ZBTB20: variants seen among roughly 807,000 people sequenced by gnomAD.
ZBTB20 encodes the protein zinc finger and BTB domain containing 20, also known as zinc finger and BTB domain-containing protein 20.
In ZBTB20, 9 loss-of-function variants were observed where a neutral mutation model predicts 56.9. The observed-to-expected ratio is 0.16, with a 90% CI of 0.10 to 0.28. The LOEUF (loss-of-function observed/expected upper bound fraction) is 0.28. ZBTB20 is among the 10% of genes least tolerant of loss of function. ZBTB20 has a pLI of 1.00. For missense variants in ZBTB20, 655 were observed against 1,003.0 expected, an observed-to-expected ratio of 0.65 and a Z score of 4.69; for synonymous variants, 417 against 420.7, an observed-to-expected ratio of 0.99 and a Z score of 0.11.
chr3:115,116,373 G>T (rs2084018560), intron 1 of ZBTB20, among the ~76,000 whole-genome samples: 1 of 151,936 alleles, frequency 6.6e-6, no homozygotes, highest in South Asian at 2.1e-4. Flanking sequence ...GCATCATCTT[G>T]CATATTTCTT....
At position 115,012,006 on chromosome 3, in the gene ZBTB20, C is replaced by T. The variant is rs189488553; in HGVS notation, c.-506-37590G>A. On this transcript the variant is annotated intron_variant, in intron 2 of 11. Transcript: ENST00000675478. ...AGTTGTTGTCACCTTAAAATAATTG[C>T]TTATAAGATAGTAGATGCAAGCTTT... 7.3e-5 allele frequency among the ~76,000 whole-genome samples: 11 copies of T among 151,612 alleles called. No homozygotes were observed. The East Asian group carries it at 2.2e-3, about 30-fold the overall frequency.
In ZBTB20 at chr3:114,332,902, C is replaced by G. The variant is rs1207730556; in HGVS notation, c.*6103G>C. On this transcript the variant is annotated 3_prime_UTR_variant, in exon 12 of 12. Transcript: ENST00000675478. ...CTTGTTTCAACCCAGGGCATTTTTACCCATCATGCAGTGAGGAGAAAATAC... is the reference window on the plus strand; with the variant it reads ...CTTGTTTCAACCCAGGGCATTTTTAGCCATCATGCAGTGAGGAGAAAATAC... The G allele has an allele frequency of 6.6e-6, 1 of 152,098 alleles. No individual in the cohort carries two copies. Among genetic ancestry groups the G allele is most frequent in the Admixed American group, 6.5e-5 (1 of 15,284 alleles). The allele number at this position is 152,098 out of a possible 1,614,324, so 9.4% of individuals were successfully genotyped here.
At chr3:114,657,426 T>A (rs1553778069) in intron 6 of ZBTB20, among the ~76,000 whole-genome samples, 1 of 152,226 alleles carries the variant, frequency 6.6e-6, no homozygotes, top group Non-Finnish European at 1.5e-5. Flanking sequence ...ATGTATCTGT[T>A]CAGCTCTTTT....
chr3:114,633,708 G>A (rs897926770), intron 6 of ZBTB20, among the ~76,000 whole-genome samples: 2 of 152,114 alleles, frequency 1.3e-5, no homozygotes, highest in African/African-American at 4.8e-5. Flanking sequence ...CTACTTTAGG[G>A]ATGGATAAGA....
At chr3:114,584,130 T>C (rs1022995348) in intron 6 of ZBTB20, among the ~76,000 whole-genome samples, 2 of 152,126 alleles carry the variant, frequency 1.3e-5, no homozygotes, top group Non-Finnish European at 2.9e-5. Flanking sequence ...TTCCTTACAA[T>C]AAATAGACAA....
intron 5 of ZBTB20, among the ~76,000 whole-genome samples, chr3:114,698,565 T>TCC (rs970526379): frequency 1.3e-5 from 2 of 152,076 alleles, no homozygotes; most frequent in African/African-American, 4.8e-5. Context: ...CTGAGTGCCC[T>TCC]CCTATGGCTG....
intron 4 of ZBTB20, among the ~76,000 whole-genome samples, chr3:114,868,169 C>T (rs1308823914): frequency 1.3e-5 from 2 of 152,150 alleles, no homozygotes; most frequent in Non-Finnish European, 2.9e-5. Context: ...AGCAATTTGT[C>T]CAATTCCAAT....
chr3:114,796,340 T>C (rs917635178), intron 5 of ZBTB20, among the ~76,000 whole-genome samples: 1 of 151,950 alleles, frequency 6.6e-6, no homozygotes, highest in East Asian at 1.9e-4. Flanking sequence ...TCGGCCTGAG[T>C]TTATAGTACA....
chr3:115,084,361 C>A (rs1258936287), intron 1 of ZBTB20, among the ~76,000 whole-genome samples: 2 of 149,746 alleles, frequency 1.3e-5, no homozygotes, highest in African/African-American at 4.9e-5. Context: ...GGTTGCCTGT[C>A]TCATAACACA....
chr3:114,824,906 C>A (rs1178658493), intron 4 of ZBTB20, among the ~76,000 whole-genome samples: 1 of 151,854 alleles, frequency 6.6e-6, no homozygotes, highest in Non-Finnish European at 1.5e-5. Context: ...AGCTTTATTG[C>A]TAGTAAGAGA....
chr3:114,644,649 G>T (rs1282233227), intron 6 of ZBTB20, among the ~76,000 whole-genome samples: 1 of 152,104 alleles, frequency 6.6e-6, no homozygotes, highest in Non-Finnish European at 1.5e-5. Context: ...CACATTGTTG[G>T]TGGGAATGTA....
intron 7 of ZBTB20, among the ~76,000 whole-genome samples, chr3:114,456,427 T>C (rs967211036): frequency 2.6e-5 from 4 of 152,194 alleles, no homozygotes; most frequent in Admixed American, 6.5e-5. Context: ...CATCATCTGC[T>C]ATATATCACC....
intron 8 of ZBTB20, chr3:114,383,658 G>A (rs2084674857): frequency 6.6e-6 from 1 of 152,138 alleles, no homozygotes; most frequent in African/African-American, 2.4e-5. Context: ...AGATAATAGA[G>A]AACTGCTCAC....
chr3:114,837,994 A>G lies in ZBTB20; in HGVS notation c.-416-36820T>C, dbSNP rs997759128. On this transcript the variant is annotated intron_variant, in intron 4 of 11. Coordinates refer to ENST00000675478, the MANE Select transcript of ZBTB20 (RefSeq NM_001348800.3). ...AAAGTAGTGAATAAAATCTCACTCAAGTAGTGACATTCAAACCAAAAGAGA... is the reference window on the plus strand; with the variant it reads ...AAAGTAGTGAATAAAATCTCACTCAGGTAGTGACATTCAAACCAAAAGAGA... Among the ~76,000 whole-genome samples the G allele has an allele frequency of 2.0e-5, 3 of 152,230 alleles. No individual in the cohort carries two copies. In the South Asian group the frequency reaches 6.2e-4, roughly 32 times the overall value.
At chr3:114,408,581 A>C (rs2087573029) in intron 7 of ZBTB20, among the ~76,000 whole-genome samples, 1 of 152,032 alleles carries the variant, frequency 6.6e-6, no homozygotes, top group Non-Finnish European at 1.5e-5. Flanking sequence ...ATTCCATAGA[A>C]GACTAACGAT....
chr3:115,045,372 T>C (rs2081295221), intron 2 of ZBTB20, among the ~76,000 whole-genome samples: 1 of 152,116 alleles, frequency 6.6e-6, no homozygotes, highest in Non-Finnish European at 1.5e-5. Flanking sequence ...AATTTTCCCG[T>C]AGTGGCCGAA....
At chr3:114,566,811 T>C (rs2052813493) in intron 6 of ZBTB20, among the ~76,000 whole-genome samples, 1 of 152,238 alleles carries the variant, frequency 6.6e-6, no homozygotes, top group African/African-American at 2.4e-5. Context: ...TCCCCTTCAC[T>C]GCATTGCCAA....
At chr3:114,623,729 G>A (rs2058477506) in intron 6 of ZBTB20, among the ~76,000 whole-genome samples, 1 of 152,196 alleles carries the variant, frequency 6.6e-6, no homozygotes, top group African/African-American at 2.4e-5. Flanking sequence ...AGCTGGTGGA[G>A]TGAAACTCCA....
At chr3:115,113,219 A>G (rs995952347) in intron 1 of ZBTB20, among the ~76,000 whole-genome samples, 1 of 152,204 alleles carries the variant, frequency 6.6e-6, no homozygotes, top group Non-Finnish European at 1.5e-5. Context: ...ATAGTTTGCA[A>G]GTATTTTCTG....
Sources: allele counts gnomAD v4.1 joint callset (sites outside exome capture counted in the v4.1 genomes callset), GRCh38; gene constraint gnomAD v4.1.1; transcripts MANE v1.5; gene names NCBI Gene and HGNC (gene_info 2026-07-23, HGNC 2026-07-21).